The following LRRC4C variants were observed in gnomAD, a reference collection of about 807,000 sequenced individuals.
The protein encoded by LRRC4C is leucine rich repeat containing 4C.
In LRRC4C, 5 loss-of-function variants were observed where a neutral mutation model predicts 33.6. The ratio of observed to expected loss-of-function variants is 0.15; its 90% confidence interval spans 0.08 to 0.31. The LOEUF is 0.31. Ranked by LOEUF, LRRC4C falls within the 10% of genes least tolerant of loss-of-function variation. The pLI, the probability that LRRC4C is intolerant of heterozygous loss-of-function variation, is 1.00. For synonymous variants in LRRC4C, 329 were observed against 302.0 expected, an observed-to-expected ratio of 1.09 and a Z score of -0.93; for missense variants, 560 against 796.7, an observed-to-expected ratio of 0.70 and a Z score of 3.58.
intron 2 of LRRC4C, among the ~76,000 whole-genome samples, chr11:40,648,977 T>A (rs1478981747): frequency 6.6e-6 from 1 of 150,990 alleles, no homozygotes; most frequent in East Asian, 1.9e-4. Flanking sequence ...AGGGGAGGGG[T>A]GTACAAAAGG....
At chr11:40,783,773 G>A (rs2137300711) in intron 2 of LRRC4C, among the ~76,000 whole-genome samples, 1 of 152,256 alleles carries the variant, frequency 6.6e-6, no homozygotes, top group African/African-American at 2.4e-5. Flanking sequence ...GAGAACATAA[G>A]TGTCAAAATT....
intron 2 of LRRC4C, among the ~76,000 whole-genome samples, chr11:40,705,397 C>T (rs1212751959): frequency 2.0e-5 from 3 of 151,856 alleles, no homozygotes; most frequent in Non-Finnish European, 4.4e-5. Flanking sequence ...TGATGTTCCC[C>T]GCCCTGTGTC....
intron 1 of LRRC4C, among the ~76,000 whole-genome samples, chr11:41,186,403 AT>A (rs1410912719): frequency 6.6e-6 from 1 of 152,216 alleles, no homozygotes; most frequent in Admixed American, 6.5e-5. Flanking sequence ...TCAAGTTAAA[AT>A]GTAAAATATA....
intron 1 of LRRC4C, among the ~76,000 whole-genome samples, chr11:41,266,523 C>T (rs1407932839): frequency 2.6e-5 from 4 of 151,700 alleles, no homozygotes; most frequent in African/African-American, 7.3e-5. Context: ...TTATTTATTA[C>T]AATAATTCAC....
chr11:41,154,520 GAATTA>G (rs1301987800), intron 1 of LRRC4C, among the ~76,000 whole-genome samples: 2 of 152,160 alleles, frequency 1.3e-5, no homozygotes, highest in African/African-American at 4.8e-5. Context: ...AATATTTGGT[GAATTA>G]AATTAAATTG....
chr11:40,406,303 G>T (rs1276440205), intron 3 of LRRC4C, among the ~76,000 whole-genome samples: 1 of 152,056 alleles, frequency 6.6e-6, no homozygotes, highest in African/African-American at 2.4e-5. Flanking sequence ...CTTCTGTGCT[G>T]TCCTCCAGGT....
intron 3 of LRRC4C, among the ~76,000 whole-genome samples, chr11:40,497,618 C>T (rs1238508734): frequency 6.6e-6 from 1 of 152,142 alleles, no homozygotes; most frequent in Non-Finnish European, 1.5e-5. Flanking sequence ...TCATCACAAA[C>T]TTTACAGCTG....
chr11:41,192,977 G>GA (rs1176019346), intron 1 of LRRC4C, among the ~76,000 whole-genome samples: 3 of 151,918 alleles, frequency 2.0e-5, no homozygotes, highest in Non-Finnish European at 4.4e-5. Flanking sequence ...ACCTACTCTG[G>GA]AAAAAAATGC....
intron 3 of LRRC4C, among the ~76,000 whole-genome samples, chr11:40,409,720 A>G (rs1322752031): frequency 6.6e-6 from 1 of 152,066 alleles, no homozygotes; most frequent in Non-Finnish European, 1.5e-5. Flanking sequence ...AACATAAAAA[A>G]GATGAAAATA....
intron 6 of LRRC4C, among the ~76,000 whole-genome samples, chr11:40,137,832 A>G (rs898643822): frequency 6.6e-6 from 1 of 152,166 alleles, no homozygotes; most frequent in Admixed American, 6.5e-5. Flanking sequence ...TTGTAAGATC[A>G]TTTTAAACTA....
At chr11:41,099,429 T>C (rs1269319967) in intron 1 of LRRC4C, among the ~76,000 whole-genome samples, 1 of 144,354 alleles carries the variant, frequency 6.9e-6, no homozygotes, top group African/African-American at 2.6e-5. Context: ...TGAACATAGA[T>C]ACAAAAATCC....
chr11:40,331,453 A>G (rs1946358730), intron 3 of LRRC4C, among the ~76,000 whole-genome samples: 2 of 152,326 alleles, frequency 1.3e-5, no homozygotes, highest in South Asian at 4.1e-4. Context: ...GCATATATAC[A>G]CAATGAAATA....
At chr11:41,127,946 T>A (rs1942826591) in intron 1 of LRRC4C, among the ~76,000 whole-genome samples, 1 of 152,128 alleles carries the variant, frequency 6.6e-6, no homozygotes, top group Non-Finnish European at 1.5e-5. Flanking sequence ...TCCTACATAC[T>A]TCCATTGCTT....
intron 1 of LRRC4C, among the ~76,000 whole-genome samples, chr11:41,109,257 CAG>C (rs967318735): frequency 1.9e-4 from 29 of 151,960 alleles, no homozygotes; most frequent in African/African-American, 6.5e-4. Context: ...GATTGAGATT[CAG>C]AGTGGAAAAT....
chr11:40,764,596 A>G (rs2137103574), intron 2 of LRRC4C, among the ~76,000 whole-genome samples: 1 of 152,176 alleles, frequency 6.6e-6, no homozygotes, highest in South Asian at 2.1e-4. Flanking sequence ...CTGACTGTAG[A>G]GCCCTTGGGC....
chr11:40,296,275 A>C (rs1299277356), intron 4 of LRRC4C, among the ~76,000 whole-genome samples: 3 of 152,226 alleles, frequency 2.0e-5, no homozygotes, highest in African/African-American at 7.2e-5. Context: ...TGAATTCGTC[A>C]CATGGCTTTC....
chr11:40,645,687 G>T (rs996061946), intron 3 of LRRC4C, among the ~76,000 whole-genome samples: 1 of 152,140 alleles, frequency 6.6e-6, no homozygotes, highest in African/African-American at 2.4e-5. Flanking sequence ...TTCCAGCTTT[G>T]CCTGTGGATT....
chr11:40,121,681 C>T (rs575642661), intron 6 of LRRC4C, among the ~76,000 whole-genome samples: 84 of 152,236 alleles, frequency 5.5e-4, no homozygotes, highest in African/African-American at 2.0e-3. Flanking sequence ...TGCTTTAGTG[C>T]ACTGAGAGCT....
At chr11:40,430,547 A>C (rs1397480043) in intron 3 of LRRC4C, among the ~76,000 whole-genome samples, 4 of 152,108 alleles carry the variant, frequency 2.6e-5, no homozygotes, top group Admixed American at 1.3e-4. Context: ...ACATAGATAC[A>C]ATTGTCTTCC....
Sources: allele counts gnomAD v4.1 joint callset (sites outside exome capture counted in the v4.1 genomes callset), GRCh38; gene constraint gnomAD v4.1.1; transcripts MANE v1.5; gene names NCBI Gene and HGNC (gene_info 2026-07-23, HGNC 2026-07-21).